The following EFCAB6 variants were observed in gnomAD, a reference collection of about 807,000 sequenced individuals.
The protein encoded by EFCAB6 is EF-hand calcium-binding domain-containing protein 6.
EFCAB6 carries 156 observed loss-of-function variants against 169.8 expected under a neutral mutation model. The observed-to-expected ratio is 0.92, with a 90% CI of 0.81 to 1.05. The LOEUF is 1.05. Ranked by LOEUF, EFCAB6 falls within the 50% of genes least tolerant of loss-of-function variation. The pLI, the probability that EFCAB6 is intolerant of heterozygous loss-of-function variation, is 0.00. For missense variants in EFCAB6, 1,800 were observed against 1,829.1 expected (o/e 0.98, Z 0.29); for synonymous variants, 698 against 676.4 (o/e 1.03, Z -0.50).
At chr22:43,765,442 A>G (rs975281903) in intron 4 of EFCAB6, 49 bp from the exon 5 acceptor site, 1 of 1,431,364 alleles carries the variant, frequency 7.0e-7, no homozygotes, top group Non-Finnish European at 9.8e-7. Flanking sequence ...TTAAGATCCA[A>G]GCAATAGACG....
chr22:43,589,485 G>A (rs1347387668), intron 24 of EFCAB6, among the ~76,000 whole-genome samples: 1 of 151,856 alleles, frequency 6.6e-6, no homozygotes, highest in African/African-American at 2.4e-5. Flanking sequence ...GAATAACTTG[G>A]ATAAAATAAA....
chr22:43,532,667 C>T (rs1002608398), intron 30 of EFCAB6, among the ~76,000 whole-genome samples: 1 of 152,080 alleles, frequency 6.6e-6, no homozygotes, highest in Admixed American at 6.5e-5. Context: ...TAAGATGGAA[C>T]CTGATTTTGC....
chr22:43,719,127 G>A (rs1266535834), intron 8 of EFCAB6, among the ~76,000 whole-genome samples: 4 of 152,172 alleles, frequency 2.6e-5, no homozygotes, highest in East Asian at 1.9e-4. Context: ...GGGAGCTCAC[G>A]GCCCACAGGT....
At position 43,678,046 on chromosome 22, in the gene EFCAB6, C is replaced by T. The variant is rs1385279893; in HGVS notation, c.1369G>A (p.Gly457Arg). Reference protein sequence around the residue: ...LMQMLDPGDTGVVNTSMFIDL... With the variant: ...LMQMLDPGDTRVVNTSMFIDL... The stretch of plus-strand genomic sequence containing the variant: ...ATAAACATGCTGGTGTTGACCACTC[C>T]AGTGTCCCCAGGGTCAAGCATTTGC... Residue 457 changes from glycine to arginine, a missense_variant, in exon 13 of 32, where the codon GGA becomes AGA. By Grantham distance (125) the Gly-to-Arg change is moderately radical. Coordinates refer to ENST00000262726, the MANE Select transcript of EFCAB6 (RefSeq NM_022785.4). The T allele has an allele frequency of 6.2e-7, 1 of 1,614,002 alleles. No homozygotes were observed. The highest frequency in any genetic ancestry group is 1.1e-5 in the South Asian group (1 of 91,072).
chr22:43,692,051 A>G (rs1333939985), intron 10 of EFCAB6, among the ~76,000 whole-genome samples: 1 of 152,230 alleles, frequency 6.6e-6, no homozygotes, highest in Non-Finnish European at 1.5e-5. Flanking sequence ...AAAGAGAGAA[A>G]GAAGAAATCC....
intron 21 of EFCAB6, among the ~76,000 whole-genome samples, chr22:43,614,686 G>A (rs2053571105): frequency 6.6e-6 from 1 of 152,202 alleles, no homozygotes; most frequent in African/African-American, 2.4e-5. Context: ...GGGATTGGTT[G>A]GTGTGGGCCA....
chr22:43,636,856 T>C lies in EFCAB6; in HGVS notation c.1984-1640A>G, dbSNP rs549993100. Among the ~76,000 whole-genome samples the C allele has an allele frequency of 2.2e-4, 33 of 152,138 alleles. No homozygotes were observed. The South Asian group carries it at 6.9e-3, about 32-fold the overall frequency. On this transcript the variant is annotated intron_variant, in intron 17 of 31. Transcript: ENST00000262726. ...CGATCTCCTGACCTCGTGATCCGCCTGCCTCAGCCTCCCAAAATGCTGAGA... is the reference window on the plus strand; with the variant it reads ...CGATCTCCTGACCTCGTGATCCGCCCGCCTCAGCCTCCCAAAATGCTGAGA...
At chr22:43,738,136 G>A (rs1030015645) in intron 6 of EFCAB6, among the ~76,000 whole-genome samples, 1 of 142,882 alleles carries the variant, frequency 7.0e-6, no homozygotes, top group Non-Finnish European at 1.5e-5. Context: ...ACACACACCT[G>A]TGCATATACT....
At position 43,687,670 on chromosome 22, in the gene EFCAB6, A is replaced by G. The variant is rs1035231314; in HGVS notation, c.1032-89T>C. On this transcript the variant is annotated intron_variant, in intron 10 of 31. Coordinates refer to ENST00000262726, the MANE Select transcript of EFCAB6 (RefSeq NM_022785.4). ...TTAGGTACTTAATGTTGAATTGAAA[A>G]TGGCAGCAATGCATTTATATGAAGT... The G allele has an allele frequency of 2.0e-5, 13 of 642,980 alleles. 1 individual carries two copies. In the South Asian group the frequency reaches 3.5e-4, roughly 17 times the overall value. 39.8% of individuals were successfully genotyped at this position (642,980 alleles called of 1,614,324 possible). A position where few individuals can be genotyped will look rare whatever the true frequency, so the allele number is the denominator to read the frequency against.
intron 23 of EFCAB6, among the ~76,000 whole-genome samples, chr22:43,591,367 G>A (rs1337107520): frequency 3.3e-5 from 5 of 150,358 alleles, no homozygotes; most frequent in African/African-American, 1.2e-4. Flanking sequence ...TGAGGCAGGA[G>A]AATCGCTTCA....
rs771801224 is a variant in EFCAB6, at chr22:43,608,532, G to A, written c.2631C>T (p.Tyr877=). 8.1e-6 allele frequency: 13 copies of A among 1,614,038 alleles called. No individual in the cohort carries two copies. Among genetic ancestry groups the A allele is most frequent in the East Asian group, 4.5e-5 (2 of 44,894 alleles). ...LRRRDIKNAL[Y]GFDIPLTPRE... ...TTGGTGTGAGGGGAATATCAAAACCGTACAGTGCGTTCTTTATGTCCCGGC... is the reference window on the plus strand; with the variant it reads ...TTGGTGTGAGGGGAATATCAAAACCATACAGTGCGTTCTTTATGTCCCGGC... Residue 877 remains tyrosine (Y), a synonymous_variant, in exon 22 of 32, where the codon TAC becomes TAT. Transcript: ENST00000262726.
intron 21 of EFCAB6, among the ~76,000 whole-genome samples, chr22:43,612,033 C>G (rs1321223135): frequency 6.6e-6 from 1 of 152,142 alleles, no homozygotes; most frequent in East Asian, 1.9e-4. Context: ...TGATCTTCAA[C>G]AAAGCTGACA....
intron 18 of EFCAB6, among the ~76,000 whole-genome samples, chr22:43,634,617 T>A (rs1432722235): frequency 7.7e-6 from 1 of 129,476 alleles, no homozygotes; most frequent in Non-Finnish European, 1.6e-5. Flanking sequence ...CATCACTGAG[T>A]GGAGAGGCGG....
chr22:43,710,115 C>G (rs945433182), intron 10 of EFCAB6, among the ~76,000 whole-genome samples: 1 of 152,300 alleles, frequency 6.6e-6, no homozygotes, highest in East Asian at 1.9e-4. Context: ...CTCTGTCTTA[C>G]CTGGACAGAA....
rs376390055 is a variant in EFCAB6, at chr22:43,555,030, C to T, written c.3487G>A (p.Asp1163Asn). The change falls in exon 27 of 32, where the codon GAC becomes AAC. Residue 1163 changes from aspartate (D) to asparagine (N), a missense_variant. Asp to Asn is a conservative substitution (Grantham distance 23). Coordinates refer to ENST00000262726, the MANE Select transcript of EFCAB6 (RefSeq NM_022785.4). The stretch of plus-strand genomic sequence containing the variant: ...TGGAGGCGAGCCAGGATGTCTCTGT[C>T]GGCTGTGGCCTTGGGAGAGGTAGGC... The part of the protein sequence containing the change: ...PPPTSPKATA[D>N]RDILARLHKA... 1.5e-4 allele frequency: 236 copies of T among 1,614,098 alleles called. No homozygotes were observed. Among genetic ancestry groups the T allele is most frequent in the Non-Finnish European group, 1.7e-4 (197 of 1,180,034 alleles).
chr22:43,626,376 T>C (rs983061595), intron 20 of EFCAB6, 71 bp downstream of exon 20: 6 of 1,446,692 alleles, frequency 4.1e-6, no homozygotes, highest in Middle Eastern at 1.8e-4. Flanking sequence ...GCGGACGCCA[T>C]GGAAATGCTG....
At chr22:43,633,571 C>T (rs2055142402) in intron 18 of EFCAB6, among the ~76,000 whole-genome samples, 1 of 152,018 alleles carries the variant, frequency 6.6e-6, no homozygotes, top group Admixed American at 6.5e-5. Context: ...GGAACAAAAA[C>T]AAACAAACAA....
intron 3 of EFCAB6, among the ~76,000 whole-genome samples, chr22:43,773,634 G>C (rs2061549501): frequency 6.6e-6 from 1 of 152,176 alleles, no homozygotes; most frequent in Non-Finnish European, 1.5e-5. Flanking sequence ...GATCACCTGA[G>C]GTCAGGAGTT....
intron 27 of EFCAB6, among the ~76,000 whole-genome samples, chr22:43,549,755 T>C (rs564295952): frequency 1.3e-5 from 2 of 152,280 alleles, no homozygotes; most frequent in South Asian, 4.2e-4. Flanking sequence ...GAATGCAAAT[T>C]ATACAATAAA....
Sources: gnomAD v4.1 joint callset for allele counts (sites outside exome capture counted in the v4.1 genomes callset) on GRCh38, gnomAD v4.1.1 for gene constraint, MANE v1.5 for transcripts, NCBI Gene and HGNC (gene_info 2026-07-23, HGNC 2026-07-21) for gene names.